The following TRIQK variants were observed in gnomAD, a reference collection of about 807,000 sequenced individuals.
TRIQK encodes the protein triple QxxK/R motif-containing protein.
In TRIQK, 10 loss-of-function variants were observed where a neutral mutation model predicts 10.8. That is an observed-to-expected ratio of 0.92 (90% confidence interval 0.57 to 1.57). The LOEUF is 1.57. Among genes scored for constraint, TRIQK ranks in the 40% most tolerant of loss-of-function variants. The pLI is 0.00. For synonymous variants in TRIQK, 33 were observed against 33.7 expected, an observed-to-expected ratio of 0.98 and a Z score of 0.07; for missense variants, 107 against 97.7, an observed-to-expected ratio of 1.09 and a Z score of -0.40.
At chr8:92,935,566 A>T (rs1283293736) in intron 2 of TRIQK, among the ~76,000 whole-genome samples, 1 of 151,660 alleles carries the variant, frequency 6.6e-6, no homozygotes, top group Non-Finnish European at 1.5e-5. Flanking sequence ...TAGAAAAAGA[A>T]TAAAGCCCTT....
At chr8:92,902,793 A>G (rs997805184) in intron 3 of TRIQK, among the ~76,000 whole-genome samples, 1 of 151,982 alleles carries the variant, frequency 6.6e-6, no homozygotes, top group Non-Finnish European at 1.5e-5. Flanking sequence ...ATTAAGGTCT[A>G]ACTTTTTTGT....
chr8:93,007,057 C>G (rs938677454), intron 1 of TRIQK, among the ~76,000 whole-genome samples: 5 of 152,144 alleles, frequency 3.3e-5, no homozygotes, highest in African/African-American at 1.2e-4. Flanking sequence ...CTGGGTGAGA[C>G]CCCCCAAGAG....
intron 2 of TRIQK, among the ~76,000 whole-genome samples, chr8:92,938,464 G>T (rs1041079215): frequency 5.3e-5 from 8 of 151,940 alleles, no homozygotes; most frequent in Non-Finnish European, 8.8e-5. Flanking sequence ...ATTTTGATGT[G>T]CTTTGGTGTC....
At chr8:93,016,316 T>C (rs1813383976) in intron 1 of TRIQK, among the ~76,000 whole-genome samples, 1 of 152,200 alleles carries the variant, frequency 6.6e-6, no homozygotes. Context: ...ATGTGTCCTC[T>C]GGCATTATCT....
intron 1 of TRIQK, among the ~76,000 whole-genome samples, chr8:93,003,508 G>T (rs1312313674): frequency 1.3e-5 from 2 of 151,570 alleles, no homozygotes; most frequent in Non-Finnish European, 2.9e-5. Flanking sequence ...TGAGATTTGG[G>T]TGGGACACAG....
intron 2 of TRIQK, among the ~76,000 whole-genome samples, chr8:92,946,744 A>AT (rs1450979448): frequency 6.8e-6 from 1 of 146,258 alleles, no homozygotes; most frequent in Non-Finnish European, 1.5e-5. Flanking sequence ...TTTATTTTTT[A>AT]TTTTTTATTT....
At chr8:92,909,471 C>T (rs537456270) in intron 3 of TRIQK, among the ~76,000 whole-genome samples, 5 of 151,942 alleles carry the variant, frequency 3.3e-5, no homozygotes, top group African/African-American at 1.2e-4. Flanking sequence ...CTGGTAAATT[C>T]ATCATTGAAA....
chr8:92,982,657 C>T (rs59229527), intron 1 of TRIQK, among the ~76,000 whole-genome samples: 15,345 of 151,858 alleles, frequency 0.1, 1,811 homozygotes, highest in African/African-American at 0.28. Flanking sequence ...ATTAAGAATA[C>T]GTTGGTCTTT....
At chr8:92,925,576 A>G (rs1810406524) in intron 2 of TRIQK, among the ~76,000 whole-genome samples, 1 of 152,194 alleles carries the variant, frequency 6.6e-6, no homozygotes, top group Non-Finnish European at 1.5e-5. Flanking sequence ...AAAAACTTGA[A>G]CAGGAACTAG....
chr8:92,969,787 A>AT (rs148761409), upstream of TRIQK, among the ~76,000 whole-genome samples: 24,454 of 151,462 alleles, frequency 0.16, 1,998 homozygotes, highest in South Asian at 0.21. Flanking sequence ...AAAAAAATTA[A>AT]TTTTTTTTAA....
chr8:92,891,906 A>G, intron 4 of TRIQK, 83 bp downstream of exon 4: 1 of 962,786 alleles, frequency 1.0e-6, no homozygotes, highest in Non-Finnish European at 1.5e-6. Context: ...AAACATTTAG[A>G]ATTCAACATT....
chr8:92,912,984 G>C (rs1388400961), intron 3 of TRIQK, among the ~76,000 whole-genome samples: 1 of 152,040 alleles, frequency 6.6e-6, no homozygotes, highest in African/African-American at 2.4e-5. Flanking sequence ...ACCTTGATTT[G>C]AAAGCCAAAG....
intron 3 of TRIQK, among the ~76,000 whole-genome samples, chr8:92,913,095 C>T (rs1265074262): frequency 6.6e-6 from 1 of 152,048 alleles, no homozygotes; most frequent in Non-Finnish European, 1.5e-5. Context: ...GCACATAAAA[C>T]AGATCATATA....
intron 4 of TRIQK, among the ~76,000 whole-genome samples, chr8:92,889,207 C>T (rs1382179179): frequency 4.0e-5 from 6 of 151,636 alleles, no homozygotes. Context: ...ACAAAAAGCA[C>T]TAGAAGCCTC....
chr8:92,899,287 T>C (rs1808795123), intron 3 of TRIQK, among the ~76,000 whole-genome samples: 1 of 151,940 alleles, frequency 6.6e-6, no homozygotes, highest in Admixed American at 6.6e-5. Flanking sequence ...ACTTGGCCTT[T>C]TTCATTATTT....
At chr8:93,003,778 G>A (rs909729467) in intron 1 of TRIQK, among the ~76,000 whole-genome samples, 1 of 152,104 alleles carries the variant, frequency 6.6e-6, no homozygotes, top group Non-Finnish European at 1.5e-5. Flanking sequence ...ATTCCAAAAG[G>A]AAGAAATTGG....
intron 1 of TRIQK, among the ~76,000 whole-genome samples, chr8:92,977,578 A>G (rs1024421558): frequency 6.6e-6 from 1 of 152,106 alleles, no homozygotes; most frequent in African/African-American, 2.4e-5. Flanking sequence ...CATTGGGAAG[A>G]TAGTTATAAC....
At chr8:92,915,398 T>A (rs1195772350) in intron 3 of TRIQK, among the ~76,000 whole-genome samples, 1 of 152,176 alleles carries the variant, frequency 6.6e-6, no homozygotes, top group Non-Finnish European at 1.5e-5. Flanking sequence ...ATGATGCATA[T>A]TTTAATTGGT....
intron 1 of TRIQK, among the ~76,000 whole-genome samples, chr8:92,978,317 C>A (rs560552924): frequency 2.6e-5 from 4 of 152,116 alleles, no homozygotes; most frequent in Non-Finnish European, 5.9e-5. Flanking sequence ...TGTTTACTCC[C>A]TCTTTGGGAT....
Sources: allele counts gnomAD v4.1 joint callset (sites outside exome capture counted in the v4.1 genomes callset), GRCh38; gene constraint gnomAD v4.1.1; transcripts MANE v1.5; gene names NCBI Gene and HGNC (gene_info 2026-07-23, HGNC 2026-07-21).